The following MICAL2 variants were observed in gnomAD, a reference collection of about 807,000 sequenced individuals.
MICAL2 encodes the protein microtubule associated monooxygenase, calponin and LIM domain containing 2, also known as [F-actin]-monooxygenase MICAL2.
Under a neutral mutation model 127.3 loss-of-function variants are expected in MICAL2, and 77 were observed. That is an observed-to-expected ratio of 0.60 (90% CI 0.50 to 0.73). The LOEUF is 0.73. Ranked by LOEUF, MICAL2 falls within the 30% of genes least tolerant of loss-of-function variation. MICAL2 has a pLI of 0.00. For synonymous variants in MICAL2, 570 were observed against 551.1 expected (o/e 1.03, Z -0.48); for missense variants, 1,351 against 1,434.4 (o/e 0.94, Z 0.94).
chr11:12,187,123 T>G (rs369944881), intron 3 of MICAL2, among the ~76,000 whole-genome samples: 32 of 152,330 alleles, frequency 2.1e-4, no homozygotes, highest in African/African-American at 7.7e-4. Context: ...GCTCTGCCTC[T>G]TCCTCTTCCT....
chr11:12,279,690 G>T (rs887360710), intron 1 of MICAL2, among the ~76,000 whole-genome samples: 2 of 152,160 alleles, frequency 1.3e-5, no homozygotes, highest in Non-Finnish European at 2.9e-5. Flanking sequence ...CTCTCTCTCT[G>T]CTGCTTTTAC....
chr11:12,238,637 A>ACG (rs1178362945), intron 16 of MICAL2, among the ~76,000 whole-genome samples: 165 of 152,338 alleles, frequency 1.1e-3, no homozygotes, highest in African/African-American at 3.6e-3. Flanking sequence ...GGGTGATGAA[A>ACG]TGCAGTGTGG....
At chr11:12,356,477 T>C (rs932852037) in intron 34 of MICAL2, among the ~76,000 whole-genome samples, 3 of 152,166 alleles carry the variant, frequency 2.0e-5, no homozygotes, top group Non-Finnish European at 4.4e-5. Flanking sequence ...TGTGGTGGCA[T>C]TAGGACTCTG....
intron 3 of MICAL2, among the ~76,000 whole-genome samples, chr11:12,191,796 G>T (rs1051283227): frequency 6.7e-6 from 1 of 148,340 alleles, no homozygotes; most frequent in Non-Finnish European, 1.5e-5. Context: ...AGAGAGAGAT[G>T]TTGGGTTATG....
intron 4 of MICAL2, among the ~76,000 whole-genome samples, chr11:12,205,930 T>C (rs1854622663): frequency 6.6e-6 from 1 of 152,036 alleles, no homozygotes; most frequent in South Asian, 2.1e-4. Flanking sequence ...CAAGAATTGA[T>C]GGGAAAAAGG....
chr11:12,337,352 T>C (rs1210590429), intron 32 of MICAL2, among the ~76,000 whole-genome samples: 4 of 152,256 alleles, frequency 2.6e-5, no homozygotes, highest in Admixed American at 1.3e-4. Context: ...CTTTTATTCT[T>C]TATTAGTCTT....
rs1344989558 is a variant in MICAL2 at position 12,327,416 on chromosome 11, A to G, written c.5515+150A>G. On this transcript the variant is annotated intron_variant, in intron 32 of 34. Transcript: ENST00000646065. ...TCCACAAGTGCCGCACACTTTAAAC[A>G]TCAAACTATTGTTTCTCGGCCTTTT... is the stretch of plus-strand genomic sequence containing the variant. The G allele has an allele frequency of 7.5e-6, 5 of 666,290 alleles. No homozygotes were observed. In the African/African-American group the frequency reaches 9.2e-5, roughly 12 times the overall value. 41.3% of individuals were successfully genotyped at this position (666,290 alleles called of 1,614,324 possible).
intron 3 of MICAL2, among the ~76,000 whole-genome samples, chr11:12,172,197 C>T (rs10831750): frequency 0.42 from 64,481 of 151,994 alleles, 14,427 homozygotes; most frequent in African/African-American, 0.57. Flanking sequence ...CTTTATCACG[C>T]AGGCAAAAGT....
In MICAL2 at chr11:12,259,823, C is replaced by T; in HGVS notation, c.3260C>T (p.Ala1087Val). ...GAGGCAACATGGCAAGAGCAGGAAG[C>T]CCCTCGGAGAGACACTCCCACCGAA... The part of the protein sequence containing the change: ...EEEATWQEQE[A>V]PRRDTPTESS... Residue 1087 changes from alanine to valine, a missense_variant, in exon 26 of 28, where the codon GCC becomes GTC. Transcript: ENST00000683283. The T allele has an allele frequency of 6.4e-7, 1 of 1,567,464 alleles. No homozygotes were observed. Among genetic ancestry groups the T allele is most frequent in the Non-Finnish European group, 8.7e-7 (1 of 1,154,318 alleles).
chr11:12,269,449 C>T (rs1344845273), intron 24 of MICAL2, among the ~76,000 whole-genome samples: 2 of 152,234 alleles, frequency 1.3e-5, no homozygotes, highest in East Asian at 3.9e-4. Flanking sequence ...CAAAGAAATT[C>T]AGCTTCCCTG....
chr11:12,212,823 C>G (rs1226103280), intron 6 of MICAL2, among the ~76,000 whole-genome samples: 4 of 152,256 alleles, frequency 2.6e-5, no homozygotes, highest in African/African-American at 9.6e-5. Flanking sequence ...AAATCCCTGT[C>G]CTGCAGGAAT....
intron 10 of MICAL2, among the ~76,000 whole-genome samples, chr11:12,222,042 T>C (rs10741571): frequency 0.99 from 150,398 of 152,304 alleles, 74,281 homozygotes; most frequent in East Asian, 1. Context: ...TCCCCAGCAT[T>C]GCTCATTCAC....
At chr11:12,227,207 C>T (rs1266568884) in intron 15 of MICAL2, 76 bp downstream of exon 15, 1 of 1,097,326 alleles carries the variant, frequency 9.1e-7, no homozygotes, top group Non-Finnish European at 1.4e-6. Context: ...TTGTCACATT[C>T]TCAGCCTGTT....
chr11:12,161,277 A>C (rs1245929970), intron 2 of MICAL2, among the ~76,000 whole-genome samples: 1 of 152,250 alleles, frequency 6.6e-6, no homozygotes, highest in African/African-American at 2.4e-5. Flanking sequence ...AAGCCCAGGC[A>C]AGCTATTTTT....
intron 3 of MICAL2, among the ~76,000 whole-genome samples, chr11:12,162,823 T>A (rs962617586): frequency 6.6e-6 from 1 of 152,188 alleles, no homozygotes; most frequent in African/African-American, 2.4e-5. Flanking sequence ...GATGGGGAAA[T>A]TGAGAAGTCA....
intron 32 of MICAL2, among the ~76,000 whole-genome samples, chr11:12,330,898 AGAGTGT>A (rs1369378533): frequency 1.5e-4 from 18 of 121,206 alleles, no homozygotes; most frequent in African/African-American, 4.1e-4. Flanking sequence ...AGAGAGAGAG[AGAGTGT>A]GTGTGTGTGT....
chr11:12,255,763 A>C lies in MICAL2; in HGVS notation c.2955+13A>C, dbSNP rs1333397622. 1 of 1,601,194 alleles carries C rather than the reference A, an allele frequency of 6.2e-7. No homozygotes were observed. Among genetic ancestry groups the C allele is most frequent in the East Asian group, 2.3e-5 (1 of 44,338 alleles). On this transcript the variant is annotated intron_variant, in intron 23 of 27. Transcript: ENST00000683283. ...CTCTCCAGACCTGGTAAGGACATGC[A>C]CCCCCAGCCTTCACCCACAGACACT...
At chr11:12,175,190 G>C (rs1260348993) in intron 3 of MICAL2, among the ~76,000 whole-genome samples, 1 of 151,838 alleles carries the variant, frequency 6.6e-6, no homozygotes. Context: ...AAAGAAAACA[G>C]ACAAACCGAG....
intron 29 of MICAL2, among the ~76,000 whole-genome samples, chr11:12,298,248 T>G (rs1423265040): frequency 6.6e-6 from 1 of 152,032 alleles, no homozygotes; most frequent in Admixed American, 6.6e-5. Flanking sequence ...GATATATTAG[T>G]TTTTGTTGCT....
Sources: gnomAD v4.1 joint callset for allele counts (sites outside exome capture counted in the v4.1 genomes callset) on GRCh38, gnomAD v4.1.1 for gene constraint, MANE v1.5 for transcripts, NCBI Gene and HGNC (gene_info 2026-07-23, HGNC 2026-07-21) for gene names.